Variants in NLRC3 observed in about 807,000 individuals in gnomAD.
NLRC3 encodes the protein NLR family CARD domain-containing protein 3.
NLRC3 carries 87 observed loss-of-function variants against 91.6 expected under a neutral mutation model. The observed-to-expected ratio is 0.95, with a 90% CI of 0.80 to 1.14. The LOEUF (loss-of-function observed/expected upper bound fraction) is 1.14, where lower values mean the gene tolerates loss of function less well. Among genes scored for constraint, NLRC3 ranks in the 50% most tolerant of loss-of-function variants. The pLI, the probability that NLRC3 is intolerant of heterozygous loss-of-function variation, is 0.00. For synonymous variants in NLRC3, 694 were observed against 625.3 expected (o/e 1.11, Z -1.64); for missense variants, 1,577 against 1,418.6 (o/e 1.11, Z -1.79).
At chr16:3,571,952 T>C (rs946903284) in intron 1 of NLRC3, among the ~76,000 whole-genome samples, 13 of 151,084 alleles carry the variant, frequency 8.6e-5, no homozygotes, top group African/African-American at 3.1e-4. Context: ...AAAATAATAA[T>C]AATAATTAAA....
chr16:3,563,260 T>A lies in NLRC3; in HGVS notation c.1677A>T (p.Ala559=). 1 of 1,606,534 alleles carries A rather than the reference T, an allele frequency of 6.2e-7. No homozygotes were observed. Among genetic ancestry groups the A allele is most frequent in the Non-Finnish European group, 8.5e-7 (1 of 1,178,096 alleles). ...LLQGCLRPDA[A]VCARAINVLH... is the part of the protein sequence containing the mutation. ...ACACGTTGATGGCCCGTGCACAGAC[T>A]GCGGCATCGGGGCGCAGGCAGCCCT... Residue 559 remains alanine, a synonymous_variant, in exon 5 of 20, where the codon GCA becomes GCT. Transcript: ENST00000359128.
chr16:3,572,833 T>C (rs912517284), intron 1 of NLRC3, among the ~76,000 whole-genome samples: 2 of 151,092 alleles, frequency 1.3e-5, no homozygotes, highest in African/African-American at 4.9e-5. Flanking sequence ...GCCAACATGG[T>C]GAAACCCCGT....
intron 13 of NLRC3, 74 bp downstream of exon 13, chr16:3,549,068 C>T: frequency 8.5e-7 from 1 of 1,180,222 alleles, no homozygotes; most frequent in Middle Eastern, 2.1e-4. Flanking sequence ...GCGAGGGTGC[C>T]CGTCAGCCCA....
intron 1 of NLRC3, among the ~76,000 whole-genome samples, chr16:3,575,194 G>C (rs1200589786): frequency 1.3e-5 from 2 of 152,132 alleles, no homozygotes; most frequent in East Asian, 3.9e-4. Context: ...GGACAGAGGA[G>C]GGGGTGCAGG....
At chr16:3,572,597 A>T (rs1474939544) in intron 1 of NLRC3, among the ~76,000 whole-genome samples, 1 of 152,196 alleles carries the variant, frequency 6.6e-6, no homozygotes, top group East Asian at 1.9e-4. Context: ...CTGTAGTGGG[A>T]ATCTTAATTC....
chr16:3,546,263 A>G (rs890361177), intron 15 of NLRC3, among the ~76,000 whole-genome samples: 2 of 152,012 alleles, frequency 1.3e-5, no homozygotes, highest in Non-Finnish European at 2.9e-5. Flanking sequence ...TACTTTAAAA[A>G]ATAAGTTATA....
intron 6 of NLRC3, 86 bp downstream of exon 6, chr16:3,561,616 G>T: frequency 5.4e-6 from 5 of 921,528 alleles, no homozygotes; most frequent in Non-Finnish European, 8.8e-6. Flanking sequence ...CAGCGCCGCT[G>T]GCCAGCTGAG....
chr16:3,552,318 T>A (rs2039061077), intron 9 of NLRC3, 39 bp from the exon 10 acceptor site: 2 of 1,422,992 alleles, frequency 1.4e-6, no homozygotes, highest in Non-Finnish European at 2.0e-6. Context: ...GAAAGGCTGG[T>A]CACAGCCATT....
rs778593484 is a variant in NLRC3, at chr16:3,563,103, C to T, written c.1834G>A (p.Asp612Asn). 1.1e-5 allele frequency: 17 copies of T among 1,576,834 alleles called. No individual in the cohort carries two copies. The highest frequency in any genetic ancestry group is 8.1e-5 in the South Asian group (7 of 86,178). Reference sequence around the variant, plus strand: ...AGGTTGGCCTCCTGGGCACAGGCGTCGGACACCTGCAGGAGGTAGGCCAGG... The same window carrying T: ...AGGTTGGCCTCCTGGGCACAGGCGTTGGACACCTGCAGGAGGTAGGCCAGG... ...AALAYLLQVS[D>N]ACAQEANLSL... is the part of the protein sequence containing the mutation. Residue 612 changes from aspartate (D) to asparagine (N), a missense_variant, in exon 5 of 20, where the codon GAC becomes AAC. Asp to Asn is a conservative substitution (Grantham distance 23). Coordinates refer to ENST00000359128, the MANE Select transcript of NLRC3 (RefSeq NM_178844.4).
rs757114833 is a variant in NLRC3, at chr16:3,563,295, C to T, written c.1642G>A (p.Glu548Lys). 5.6e-6 allele frequency: 9 copies of T among 1,602,410 alleles called. No individual in the cohort carries two copies. In the East Asian group the frequency reaches 2.0e-4, roughly 36 times the overall value. ...EHQAYRTQVA[E>K]LLQGCLRPDA... ...GGGCGCAGGCAGCCCTGCAGGAGCT[C>T]AGCCACCTGGGTCCGGTAGGCCTGG... Residue 548 changes from glutamate (E) to lysine (K), a missense_variant, in exon 5 of 20, where the codon GAG (glutamate) becomes AAG (lysine). Glu to Lys is a moderately conservative substitution (Grantham distance 56, BLOSUM62 1). Coordinates refer to ENST00000359128, the MANE Select transcript of NLRC3 (RefSeq NM_178844.4).
Position 3,562,892 on chromosome 16 carries a change from G to A in NLRC3, c.1928+117C>T, listed in dbSNP as rs1436884821. ...GTTGTTTTAAGCCACCAAGTTCATG[G>A]TCCTCTGTTACGGCAGCCCTAGGAG... is the stretch of plus-strand genomic sequence containing the variant. On this transcript the variant is annotated intron_variant, in intron 5 of 19. Transcript: ENST00000359128. 4.2e-6 allele frequency: 4 copies of A among 943,312 alleles called. 1 individual carries two copies. The highest frequency in any genetic ancestry group is 4.2e-5 in the South Asian group (3 of 71,482). 58.4% of individuals were successfully genotyped at this position (943,312 alleles called of 1,614,324 possible).
chr16:3,559,699 C>T (rs1006317502), intron 6 of NLRC3, among the ~76,000 whole-genome samples: 4 of 146,066 alleles, frequency 2.7e-5, no homozygotes, highest in Admixed American at 7.0e-5. Context: ...AGTGCAGTGG[C>T]GCAATCTTGG....
chr16:3,563,678 A>G lies in NLRC3; in HGVS notation c.1259T>C (p.Met420Thr). The change falls in exon 5 of 20, where the codon ATG becomes ACG. Residue 420 changes from methionine to threonine, a missense_variant. By Grantham distance (81) the Met-to-Thr change is moderately conservative (BLOSUM62 -1). Coordinates refer to ENST00000359128, the MANE Select transcript of NLRC3 (RefSeq NM_178844.4). ...KKKYVFYEQD[M>T]KAFGVDLALL... Reference sequence around the variant, plus strand: ...AGCGAGGTCTACACCAAACGCCTTCATGTCTTGCTCGTAAAACACGTATTT... The same window carrying G: ...AGCGAGGTCTACACCAAACGCCTTCGTGTCTTGCTCGTAAAACACGTATTT... 6 of 1,613,776 alleles carry G rather than the reference A, an allele frequency of 3.7e-6. No individual in the cohort carries two copies. The highest frequency in any genetic ancestry group is 5.1e-6 in the Non-Finnish European group (6 of 1,179,886).
At chr16:3,553,485 A>G (rs372898820) in intron 9 of NLRC3, among the ~76,000 whole-genome samples, 1 of 152,176 alleles carries the variant, frequency 6.6e-6, no homozygotes, top group African/African-American at 2.4e-5. Flanking sequence ...GGCCACTCCA[A>G]TTATCTGCTG....
intron 7 of NLRC3, 64 bp from the exon 8 acceptor site, chr16:3,557,058 A>G: frequency 8.8e-7 from 1 of 1,136,950 alleles, no homozygotes; most frequent in Non-Finnish European, 1.3e-6. Context: ...GGGAAACAGA[A>G]ACTGCATTGA....
intron 5 of NLRC3, among the ~76,000 whole-genome samples, chr16:3,562,145 T>C (rs2039642604): frequency 6.6e-6 from 1 of 152,136 alleles, no homozygotes; most frequent in Non-Finnish European, 1.5e-5. Flanking sequence ...TCAGCGGGTG[T>C]GCAGCTTCTA....
chr16:3,544,030 C>T lies in NLRC3; in HGVS notation c.2855+216G>A, dbSNP rs1335235629. Reference sequence around the variant, plus strand: ...TTAGGCTGGGTGTGGTGGTGCACGCCTGTTATCCCAACTACTGTATGGGAG... The same window carrying T: ...TTAGGCTGGGTGTGGTGGTGCACGCTTGTTATCCCAACTACTGTATGGGAG... On this transcript the variant is annotated intron_variant, in intron 16 of 19. Coordinates refer to ENST00000359128, the MANE Select transcript of NLRC3 (RefSeq NM_178844.4). 5.5e-6 allele frequency: 3 copies of T among 543,680 alleles called. No homozygotes were observed. The African/African-American group carries it at 5.7e-5, about 10-fold the overall frequency. 33.7% of individuals were successfully genotyped at this position (543,680 alleles called of 1,614,324 possible).
chr16:3,552,353 C>T, intron 9 of NLRC3, 74 bp from the exon 10 acceptor site: 1 of 1,071,588 alleles, frequency 9.3e-7, no homozygotes, highest in Admixed American at 1.7e-5. Flanking sequence ...GGTTCAGGTT[C>T]AAGGTCAGGG....
intron 1 of NLRC3, among the ~76,000 whole-genome samples, chr16:3,568,387 T>C (rs1351983137): frequency 6.6e-6 from 1 of 152,116 alleles, no homozygotes; most frequent in Non-Finnish European, 1.5e-5. Context: ...CCAAAGCCTG[T>C]TCTTTTATTC....
Sources: allele counts gnomAD v4.1 joint callset (sites outside exome capture counted in the v4.1 genomes callset), GRCh38; gene constraint gnomAD v4.1.1; transcripts MANE v1.5; gene names NCBI Gene and HGNC (gene_info 2026-07-23, HGNC 2026-07-21).